The following TRAPPC9 variants were observed in gnomAD, a reference collection of about 807,000 sequenced individuals.
The protein encoded by TRAPPC9 is IKK2 binding protein.
TRAPPC9 carries 83 observed loss-of-function variants against 124.0 expected under a neutral mutation model. That is an observed-to-expected ratio of 0.67 (90% CI 0.56 to 0.80). The LOEUF is 0.80. TRAPPC9 is among the 30% of genes least tolerant of loss of function. The pLI is 0.00. For synonymous variants in TRAPPC9, 638 were observed against 617.5 expected, an observed-to-expected ratio of 1.03 and a Z score of -0.49; for missense variants, 1,302 against 1,508.3, an observed-to-expected ratio of 0.86 and a Z score of 2.27.
intron 17 of TRAPPC9, among the ~76,000 whole-genome samples, chr8:140,034,153 G>T (rs1285597267): frequency 1.3e-5 from 2 of 152,148 alleles, no homozygotes; most frequent in African/African-American, 4.8e-5. Context: ...TCAAGTGTGT[G>T]TTTGTACCCA....
At chr8:140,091,832 C>T (rs1286690671) in intron 17 of TRAPPC9, among the ~76,000 whole-genome samples, 2 of 152,200 alleles carry the variant, frequency 1.3e-5, no homozygotes, top group African/African-American at 2.4e-5. Context: ...CAGCAGTCTC[C>T]TCTCAACTGT....
At chr8:139,756,801 T>G (rs375112823) in intron 21 of TRAPPC9, among the ~76,000 whole-genome samples, 804 of 28,406 alleles carry the variant, frequency 0.028, 2 homozygotes, top group Middle Eastern at 0.053. Flanking sequence ...GAGGACAGCA[T>G]GTCGCAGGAG....
chr8:140,217,050 C>A (rs868839014), intron 17 of TRAPPC9, among the ~76,000 whole-genome samples: 7 of 152,154 alleles, frequency 4.6e-5, no homozygotes, highest in Admixed American at 2.0e-4. Flanking sequence ...AAAAAGGAGG[C>A]CCCTGAAATC....
chr8:140,359,945 C>G, intron 9 of TRAPPC9, 105 bp downstream of exon 9: 1 of 1,516,694 alleles, frequency 6.6e-7, no homozygotes, highest in Non-Finnish European at 9.1e-7. Flanking sequence ...TGGGCAGCAT[C>G]TTCCACCCAC....
intron 7 of TRAPPC9, among the ~76,000 whole-genome samples, chr8:140,381,118 T>C (rs1384491896): frequency 6.6e-6 from 1 of 150,888 alleles, no homozygotes; most frequent in Non-Finnish European, 1.5e-5. Flanking sequence ...GGCAGGAGAA[T>C]TGCTTGAACC....
At chr8:140,226,922 C>T (rs2063468847) in intron 16 of TRAPPC9, among the ~76,000 whole-genome samples, 1 of 151,982 alleles carries the variant, frequency 6.6e-6, no homozygotes, top group African/African-American at 2.4e-5. Flanking sequence ...CTCAAAATCT[C>T]CAAGAAACCC....
chr8:140,175,686 A>G (rs1298212813), intron 17 of TRAPPC9, among the ~76,000 whole-genome samples: 1 of 152,212 alleles, frequency 6.6e-6, no homozygotes, highest in Admixed American at 6.5e-5. Context: ...TGACACTGCC[A>G]TTGAACAGAA....
intron 4 of TRAPPC9, among the ~76,000 whole-genome samples, chr8:140,430,132 G>C (rs111807414): frequency 0.035 from 5,176 of 149,910 alleles, 279 homozygotes; most frequent in African/African-American, 0.11. Context: ...GGATGACAGA[G>C]TGAGACTCCA....
chr8:140,289,974 C>T (rs1213906166), intron 12 of TRAPPC9, among the ~76,000 whole-genome samples: 2 of 152,228 alleles, frequency 1.3e-5, no homozygotes, highest in African/African-American at 2.4e-5. Context: ...ACAGCCACCA[C>T]GTGTCCACCT....
At chr8:139,779,642 A>G (rs920658151) in intron 21 of TRAPPC9, among the ~76,000 whole-genome samples, 2 of 152,170 alleles carry the variant, frequency 1.3e-5, no homozygotes, top group South Asian at 2.1e-4. Context: ...ATGACAGACT[A>G]TAAGTCAAAG....
chr8:140,419,678 G>T (rs145142361), intron 5 of TRAPPC9, among the ~76,000 whole-genome samples: 2,477 of 151,578 alleles, frequency 0.016, 75 homozygotes, highest in African/African-American at 0.057. Flanking sequence ...GAGGTCAGGA[G>T]ATCAAAACCA....
intron 17 of TRAPPC9, among the ~76,000 whole-genome samples, chr8:140,161,922 G>T (rs898485306): frequency 4.6e-5 from 7 of 152,140 alleles, no homozygotes; most frequent in African/African-American, 1.2e-4. Flanking sequence ...AAGAGGCCTG[G>T]TTGCAGGCAG....
chr8:139,995,473 G>C (rs959977679), intron 18 of TRAPPC9, among the ~76,000 whole-genome samples: 1 of 152,122 alleles, frequency 6.6e-6, no homozygotes, highest in African/African-American at 2.4e-5. Flanking sequence ...GACCCAAAGA[G>C]CTGAGGTCCC....
At chr8:139,732,352 G>A (rs56143816) in intron 21 of TRAPPC9, 150 bp from the exon 22 acceptor site, 4 of 737,732 alleles carry the variant, frequency 5.4e-6, no homozygotes, top group Non-Finnish European at 8.7e-6. Flanking sequence ...TGGGGACACA[G>A]ATGTGTGACC....
intron 21 of TRAPPC9, among the ~76,000 whole-genome samples, chr8:139,885,444 G>C (rs530630329): frequency 2.0e-5 from 3 of 152,124 alleles, no homozygotes; most frequent in Admixed American, 6.5e-5. Flanking sequence ...TGGGGTGAAC[G>C]CAAGGGGTTC....
chr8:139,875,589 C>A (rs190562061), intron 21 of TRAPPC9, among the ~76,000 whole-genome samples: 2 of 152,376 alleles, frequency 1.3e-5, no homozygotes, highest in South Asian at 2.1e-4. Flanking sequence ...CTTCGCCCCC[C>A]ACACCCACTG....
At chr8:140,448,415 C>T (rs76368918) in intron 2 of TRAPPC9, among the ~76,000 whole-genome samples, 2,122 of 152,318 alleles carry the variant, frequency 0.014, 16 homozygotes, top group Non-Finnish European at 0.024. Context: ...ATGCGTGACG[C>T]ACTGCGTCAC....
At chr8:140,240,182 T>C (rs1422642056) in intron 16 of TRAPPC9, among the ~76,000 whole-genome samples, 1 of 152,220 alleles carries the variant, frequency 6.6e-6, no homozygotes, top group African/African-American at 2.4e-5. Flanking sequence ...ACTGAACTGA[T>C]TCCAACTTCC....
chr8:140,083,107 C>T (rs191281853), intron 17 of TRAPPC9, among the ~76,000 whole-genome samples: 3 of 152,238 alleles, frequency 2.0e-5, no homozygotes, highest in Admixed American at 6.5e-5. Flanking sequence ...GCAGGAGAAT[C>T]GCTTGAACCT....
Sources: allele counts gnomAD v4.1 joint callset (sites outside exome capture counted in the v4.1 genomes callset), GRCh38; gene constraint gnomAD v4.1.1; transcripts MANE v1.5; gene names NCBI Gene and HGNC (gene_info 2026-07-23, HGNC 2026-07-21).